Variants in C2CD2L observed in about 807,000 individuals in gnomAD.
C2CD2L encodes the protein C2CD2 like.
A neutral mutation model predicts 69.9 loss-of-function variants in C2CD2L; 24 were observed. The ratio of observed to expected loss-of-function variants is 0.34; its 90% CI spans 0.25 to 0.48. The LOEUF (loss-of-function observed/expected upper bound fraction) is 0.48, where lower values mean the gene tolerates loss of function less well. Among genes scored for constraint, C2CD2L ranks in the 20% least tolerant of loss-of-function variants. The pLI is 0.99. For missense variants in C2CD2L, 811 were observed against 941.5 expected, an observed-to-expected ratio of 0.86 and a Z score of 1.81; for synonymous variants, 367 against 391.0, an observed-to-expected ratio of 0.94 and a Z score of 0.72.
chr11:119,113,630 G>A lies in C2CD2L; in HGVS notation c.1407G>A (p.Pro469=), dbSNP rs765562883. Residue 469 remains proline (P), a synonymous_variant, in exon 11 of 14, where the codon CCG becomes CCA. Coordinates refer to ENST00000648610, the MANE Select transcript of C2CD2L (RefSeq NM_001290474.2). The part of the protein sequence containing the change: ...DGKLDSPSRS[P]SKVEVTEKTT... ...CACCAGACTCCCCCTCCCGCTCCCC[G>A]TCCAAGGTGGAGGTGACCGAGAAGA... The A allele has an allele frequency of 5.3e-6, 7 of 1,320,784 alleles. No homozygotes were observed. The East Asian group carries it at 1.1e-4, about 21-fold the overall frequency. 81.8% of individuals were successfully genotyped at this position (1,320,784 alleles called of 1,614,324 possible). A position where few individuals can be genotyped will look rare whatever the true frequency, so the allele number is the denominator to read the frequency against.
At position 119,110,865 on chromosome 11, in the gene C2CD2L, G is replaced by A; in HGVS notation, c.589G>A (p.Glu197Lys). Residue 197 changes from glutamate to lysine, a missense_variant, in exon 4 of 14, where the codon GAA (glutamate) becomes AAA (lysine). Coordinates refer to ENST00000648610, the MANE Select transcript of C2CD2L (RefSeq NM_001290474.2). The surrounding 1 kb of genome is among the most constrained non-coding windows in gnomAD (Gnocchi z 5.7). The stretch of plus-strand genomic sequence containing the variant: ...TCTGTAGTTGGAAGTCAACCTGGAG[G>A]AAATCCCTGGTGAGGGGCTGCTCAT... ...PPTQLEVNLE[E>K]IPGEGLLISW... 3 of 1,614,124 alleles carry A rather than the reference G, an allele frequency of 1.9e-6. No individual in the cohort carries two copies. The highest frequency in any genetic ancestry group is 2.5e-6 in the Non-Finnish European group (3 of 1,179,970).
rs1159054620 is a variant in C2CD2L, at chr11:119,116,311, C to A, written c.*55C>A. On this transcript the variant is annotated 3_prime_UTR_variant, in exon 14 of 14. Coordinates refer to ENST00000648610, the MANE Select transcript of C2CD2L (RefSeq NM_001290474.2). ...CTCAGCCCATTCCCCACCTCCCCTT[C>A]CATACCCCTTCCTGGATCTCCAGTG... 39 of 1,385,190 alleles carry A rather than the reference C, an allele frequency of 2.8e-5. No homozygotes were observed. Among genetic ancestry groups the A allele is most frequent in the Non-Finnish European group, 3.6e-5 (35 of 977,926 alleles). 85.8% of individuals were successfully genotyped at this position (1,385,190 alleles called of 1,614,324 possible).
chr11:119,110,576 C>CGAG lies in C2CD2L; in HGVS notation c.466_467insGAG (p.Leu156delinsArgVal), dbSNP rs1219578275. 3 of 1,609,370 alleles carry CGAG rather than the reference C, an allele frequency of 1.9e-6. No individual in the cohort carries two copies. The highest frequency in any genetic ancestry group is 1.1e-5 in the South Asian group (1 of 90,658). On this transcript the variant is annotated protein_altering_variant, in exon 3 of 14. Transcript: ENST00000648610. The surrounding 1 kb of genome is among the most constrained non-coding windows in gnomAD (Gnocchi z 5.7). Reference sequence around the variant, plus strand: ...CCGGTCTCAGGTGCTGCGTTGCCAGCTCTCTGCTGAGGAGGTGCGGTTCCC... The same window carrying CGAG: ...CCGGTCTCAGGTGCTGCGTTGCCAGCGAGTCTCTGCTGAGGAGGTGCGGTTCCC...
In C2CD2L at chr11:119,111,310, C is replaced by T. The variant is rs759692086; in HGVS notation, c.846C>T (p.Ile282=). The T allele has an allele frequency of 2.5e-6, 4 of 1,614,234 alleles. No homozygotes were observed. The highest frequency in any genetic ancestry group is 1.1e-5 in the South Asian group (1 of 91,084). Residue 282 remains isoleucine (I), a synonymous_variant, in exon 6 of 14, where the codon ATC becomes ATT. Transcript: ENST00000648610. The part of the protein sequence containing the change: ...PPMMPQAQPA[I]PRPNRLFLRQ... ...TGATGCCCCAGGCTCAGCCAGCCAT[C>T]CCCAGACCTAACCGGTTATTCCTAC... is the stretch of plus-strand genomic sequence containing the variant.
upstream of C2CD2L, chr11:119,107,084 G>A (rs977613011): frequency 1.6e-4 from 25 of 152,260 alleles, no homozygotes; most frequent in African/African-American, 6.0e-4. The surrounding 1 kb of genome is among the most constrained non-coding windows in gnomAD (Gnocchi z 5.4). Flanking sequence ...TCCGACCTGT[G>A]GAAATCTAAC....
chr11:119,116,297 C>A lies in C2CD2L; in HGVS notation c.*41C>A. On this transcript the variant is annotated 3_prime_UTR_variant, in exon 14 of 14. Transcript: ENST00000648610. ...AGGGCACGAGTTCTCTCAGCCCATT[C>A]CCCACCTCCCCTTCCATACCCCTTC... is the stretch of plus-strand genomic sequence containing the variant. The A allele has an allele frequency of 6.8e-7, 1 of 1,464,962 alleles. No individual in the cohort carries two copies. The highest frequency in any genetic ancestry group is 9.6e-7 in the Non-Finnish European group (1 of 1,046,440). 90.7% of individuals were successfully genotyped at this position (1,464,962 alleles called of 1,614,324 possible).
Position 119,113,632 on chromosome 11 carries a change from C to A in C2CD2L, c.1409C>A (p.Ser470Tyr). Residue 470 changes from serine to tyrosine, a missense_variant, in exon 11 of 14, where the codon TCC becomes TAC. Coordinates refer to ENST00000648610, the MANE Select transcript of C2CD2L (RefSeq NM_001290474.2). ...GKLDSPSRSP[S>Y]KVEVTEKTTT... is the part of the protein sequence containing the mutation. Reference sequence around the variant, plus strand: ...CCAGACTCCCCCTCCCGCTCCCCGTCCAAGGTGGAGGTGACCGAGAAGACG... The same window carrying A: ...CCAGACTCCCCCTCCCGCTCCCCGTACAAGGTGGAGGTGACCGAGAAGACG... 5 of 1,613,576 alleles carry A rather than the reference C, an allele frequency of 3.1e-6. No individual in the cohort carries two copies. The highest frequency in any genetic ancestry group is 4.2e-6 in the Non-Finnish European group (5 of 1,179,712).
chr11:119,105,546 A>G (rs1013851525), upstream of C2CD2L, among the ~76,000 whole-genome samples: 2 of 152,004 alleles, frequency 1.3e-5, no homozygotes, highest in African/African-American at 4.8e-5. Flanking sequence ...AGGCTGAGGC[A>G]GGAGAATCAC....
chr11:119,103,034 G>A (rs1212901437), upstream of C2CD2L, among the ~76,000 whole-genome samples: 1 of 151,882 alleles, frequency 6.6e-6, no homozygotes, highest in Non-Finnish European at 1.5e-5. Context: ...TGGAATTACA[G>A]GCATGCGCCA....
rs1177078374 is a variant in C2CD2L at position 119,115,821 on chromosome 11, GATAAAGCAC to G, written c.1910-221_1910-213del. On this transcript the variant is annotated intron_variant, in intron 13 of 13. Coordinates refer to ENST00000648610, the MANE Select transcript of C2CD2L (RefSeq NM_001290474.2). ...GTACCACGATTTTTGCCTCAGGAAG[GATAAAGCAC>G]ATGTTTGTTTCTGCTTTCGTTTTCT... 3 of 593,348 alleles carry G rather than the reference GATAAAGCAC, an allele frequency of 5.1e-6. No homozygotes were observed. The African/African-American group carries it at 5.6e-5, about 11-fold the overall frequency. 36.8% of individuals were successfully genotyped at this position (593,348 alleles called of 1,614,324 possible). A position where few individuals can be genotyped will look rare whatever the true frequency, so the allele number is the denominator to read the frequency against.
rs1946688712 is a variant in C2CD2L at position 119,109,818 on chromosome 11, G to A, written c.355-286G>A. On this transcript the variant is annotated intron_variant, in intron 1 of 13. Transcript: ENST00000648610. This position sits in a 1 kb window ranked among gnomAD's most constrained non-coding sequence, Gnocchi z 5.1. ...GGATTGCAGGGAGAAGAAGAAGGAA[G>A]CTCTTGGTATTCCAGGAGGAAGCCA... is the stretch of plus-strand genomic sequence containing the variant. 6.6e-6 allele frequency among the ~76,000 whole-genome samples: 1 copy of A among 152,182 alleles called. No homozygotes were observed. Among genetic ancestry groups the A allele is most frequent in the Non-Finnish European group, 1.5e-5 (1 of 68,038 alleles).
chr11:119,115,793 C>T, intron 13 of C2CD2L: 1 of 587,646 alleles, frequency 1.7e-6, no homozygotes, highest in Non-Finnish European at 3.0e-6. Flanking sequence ...CAGATCCCCA[C>T]AAGTACCACG....
At chr11:119,115,279 T>G (rs1946857649) in intron 13 of C2CD2L, 1 of 139,340 alleles carries the variant, frequency 7.2e-6, no homozygotes, top group Non-Finnish European at 1.6e-5. Flanking sequence ...AAAAAAAAAA[T>G]TCTTCCCTTT....
At position 119,111,245 on chromosome 11, in the gene C2CD2L, A is replaced by G. The variant is rs770124711; in HGVS notation, c.799-18A>G. The G allele has an allele frequency of 2.5e-6, 4 of 1,613,232 alleles. No homozygotes were observed. Among genetic ancestry groups the G allele is most frequent in the South Asian group, 1.1e-5 (1 of 91,054 alleles). On this transcript the variant is annotated intron_variant, in intron 5 of 13. Coordinates refer to ENST00000648610, the MANE Select transcript of C2CD2L (RefSeq NM_001290474.2). ...CTATGTCAGGATTCTTGCTCTTTGG[A>G]CCTTCTTCTGCTCTTAGGTACCCAG...
chr11:119,112,534 G>C lies in C2CD2L; in HGVS notation c.1137G>C (p.Leu379=), dbSNP rs779765066. 4 of 1,613,630 alleles carry C rather than the reference G, an allele frequency of 2.5e-6. No individual in the cohort carries two copies. The Admixed American group carries it at 6.7e-5, about 27-fold the overall frequency. ...CTGTGGGCTCCCCCTCCAGACCACT[G>C]TCTCGAAGACAGTTGTGCCCACTCA... is the stretch of plus-strand genomic sequence containing the variant. ...TLPVGSPSRP[L]SRRQLCPLTP... Residue 379 remains leucine (L), a synonymous_variant, in exon 9 of 14, where the codon CTG becomes CTC. Coordinates refer to ENST00000648610, the MANE Select transcript of C2CD2L (RefSeq NM_001290474.2).
At chr11:119,115,863 T>A in intron 13 of C2CD2L, 182 bp from the exon 14 acceptor site, 1 of 602,154 alleles carries the variant, frequency 1.7e-6, no homozygotes, top group South Asian at 2.1e-5. Flanking sequence ...TCTTTTTTCT[T>A]TTTTTCACGA....
At position 119,116,578 on chromosome 11, in the gene C2CD2L, T is replaced by A. The variant is rs1946898548; in HGVS notation, c.*322T>A. 1 of 472,302 alleles carries A rather than the reference T, an allele frequency of 2.1e-6. No homozygotes were observed. Among genetic ancestry groups the A allele is most frequent in the African/African-American group, 1.9e-5 (1 of 51,806 alleles). 29.3% of individuals were successfully genotyped at this position (472,302 alleles called of 1,614,324 possible). A position where few individuals can be genotyped will look rare whatever the true frequency, so the allele number is the denominator to read the frequency against. On this transcript the variant is annotated 3_prime_UTR_variant, in exon 14 of 14. Coordinates refer to ENST00000648610, the MANE Select transcript of C2CD2L (RefSeq NM_001290474.2). ...TGAGCGGAGTCCCAGGGTGCTCAGC[T>A]CTTCAGCTGACCCTTCTTCCCTTAT...
In C2CD2L at chr11:119,118,388, C is replaced by G. The variant is rs1129013; in HGVS notation, c.*2132C>G. ...GAGTTATTTCACCGAGGATAATGGC[C>G]TCCAGTTCCACCCATGTTGCTGGAA... On this transcript the variant is annotated 3_prime_UTR_variant, in exon 14 of 14. Transcript: ENST00000648610. 80,446 of 152,016 alleles carry G rather than the reference C, an allele frequency of 0.53. 22,383 individuals are homozygous for G. Among genetic ancestry groups the G allele is most frequent in the African/African-American group, 0.63 (25,971 of 41,462 alleles). 9.4% of individuals were successfully genotyped at this position (152,016 alleles called of 1,614,324 possible).
At chr11:119,108,232 G>C in intron 1 of C2CD2L, 137 bp downstream of exon 1, 1 of 573,916 alleles carries the variant, frequency 1.7e-6, no homozygotes, top group Non-Finnish European at 3.0e-6. Flanking sequence ...TCCCGGATCA[G>C]AGAAAAGGGT....
Sources: gnomAD v4.1 joint callset for allele counts (sites outside exome capture counted in the v4.1 genomes callset) on GRCh38, gnomAD v4.1.1 for gene constraint, Gnocchi (gnomAD v3.1) non-coding constraint, MANE v1.5 for transcripts, NCBI Gene and HGNC (gene_info 2026-07-23, HGNC 2026-07-21) for gene names.